The following ARHGEF9 variants were observed in gnomAD, a reference collection of about 807,000 sequenced individuals.
ARHGEF9 encodes Cdc42 guanine nucleotide exchange factor 9.
In ARHGEF9, 2 loss-of-function variants were observed where a neutral mutation model predicts 41.3. The ratio of observed to expected loss-of-function variants is 0.05; its 90% CI spans 0.02 to 0.15. The LOEUF (loss-of-function observed/expected upper bound fraction) is 0.15. Ranked by LOEUF, ARHGEF9 falls within the 10% of genes least tolerant of loss-of-function variation. The pLI is 1.00. For synonymous variants in ARHGEF9, 160 were observed against 154.4 expected (o/e 1.04, Z -0.27); for missense variants, 225 against 424.7 (o/e 0.53, Z 4.13).
chrX:63,751,085 C>G (rs528464183), intron 1 of ARHGEF9, among the ~76,000 whole-genome samples: 1 of 110,740 alleles, frequency 9.0e-6, no homozygotes, highest in Non-Finnish European at 1.9e-5. Context: ...GATCCAGGAG[C>G]GAAAATCCCT....
chrX:63,774,079 A>G (rs1219699673), intron 1 of ARHGEF9, among the ~76,000 whole-genome samples: 6 of 109,075 alleles, frequency 5.5e-5, no homozygotes, highest in Non-Finnish European at 9.5e-5. Flanking sequence ...CTATCTATCT[A>G]TCTATCTATC....
At chrX:63,737,815 T>C (rs1247759874) in intron 1 of ARHGEF9, among the ~76,000 whole-genome samples, 1 of 111,927 alleles carries the variant, frequency 8.9e-6, no homozygotes, top group East Asian at 2.8e-4. Context: ...AGGAAACTAA[T>C]TTGTGAACAA....
chrX:63,716,139 T>G (rs2053276852), intron 2 of ARHGEF9: 1 of 110,201 alleles, frequency 9.1e-6, no homozygotes, highest in African/African-American at 3.3e-5. Context: ...ATACAAAAAA[T>G]TAGCTGGGTG....
chrX:63,740,385 A>G (rs1331084031), intron 1 of ARHGEF9, among the ~76,000 whole-genome samples: 1 of 112,110 alleles, frequency 8.9e-6, no homozygotes, highest in African/African-American at 3.2e-5. Context: ...AATTGTTGGC[A>G]GGAATTGAAT....
At chrX:63,665,744 T>A in intron 7 of ARHGEF9, 142 bp downstream of exon 7, 1 of 798,510 alleles carries the variant, frequency 1.3e-6, no homozygotes, top group Non-Finnish European at 1.8e-6. Flanking sequence ...GTGTTCCTGA[T>A]ACAGAATTGC....
At chrX:63,707,399 G>A (rs782256607) in intron 2 of ARHGEF9, 2 of 103,754 alleles carry the variant, frequency 1.9e-5, no homozygotes, top group African/African-American at 3.5e-5. Context: ...TGGGACGGCC[G>A]AGTGAGATGT....
At chrX:63,664,084 T>C (rs1602291583) in intron 7 of ARHGEF9, among the ~76,000 whole-genome samples, 1 of 112,130 alleles carries the variant, frequency 8.9e-6, no homozygotes, top group Non-Finnish European at 1.9e-5. Flanking sequence ...CCATCCCTGT[T>C]ATATGCTTCC....
At chrX:63,658,728 A>C (rs1224281600) in intron 7 of ARHGEF9, among the ~76,000 whole-genome samples, 12 of 111,880 alleles carry the variant, frequency 1.1e-4, no homozygotes, top group Non-Finnish European at 1.5e-4. Context: ...TAGCTCATTT[A>C]AACTTTCCAA....
rs1344361640 is a variant in ARHGEF9 at position 63,769,766 on chromosome X, C to T, written c.30+15350G>A. ...GTGCAAGGCCCGAGCCTTGGCAGCT[C>T]CCATGTAGTGTTAAGCCTGCAGATG... On this transcript the variant is annotated intron_variant, in intron 1 of 9. Transcript: ENST00000671741. Among the ~76,000 whole-genome samples, 3 of 112,478 alleles carry T rather than the reference C, an allele frequency of 2.7e-5. No individual in the cohort carries two copies. The East Asian group carries it at 8.4e-4, about 32-fold the overall frequency.
At chrX:63,719,763 C>T in intron 2 of ARHGEF9, 3 of 297,025 alleles carry the variant, frequency 1.0e-5, no homozygotes, top group Non-Finnish European at 5.9e-6. Flanking sequence ...TTGTTCTTTA[C>T]AATATTGTAG....
chrX:63,711,553 G>A (rs2052933472), intron 2 of ARHGEF9, among the ~76,000 whole-genome samples: 1 of 111,844 alleles, frequency 8.9e-6, no homozygotes, highest in African/African-American at 3.2e-5. Context: ...ATTCAAGGGG[G>A]AAAATATAGT....
chrX:63,783,994 C>T (rs1459493435), intron 1 of ARHGEF9, among the ~76,000 whole-genome samples: 3 of 111,690 alleles, frequency 2.7e-5, no homozygotes, highest in African/African-American at 6.5e-5. Flanking sequence ...GAGGACAGCC[C>T]CTCTGAATAT....
intron 1 of ARHGEF9, chrX:63,727,727 G>A (rs1427463577): frequency 1.8e-5 from 2 of 111,773 alleles, no homozygotes; most frequent in East Asian, 5.6e-4. Flanking sequence ...AATAAAGAGC[G>A]CTATTATGTC....
At chrX:63,783,412 A>G (rs1321357865) in intron 1 of ARHGEF9, among the ~76,000 whole-genome samples, 1 of 110,019 alleles carries the variant, frequency 9.1e-6, no homozygotes, top group Non-Finnish European at 1.9e-5. Context: ...ATGTGCCACT[A>G]CGTCCAGCTA....
At chrX:63,724,204 A>T (rs1288011430) in intron 2 of ARHGEF9, among the ~76,000 whole-genome samples, 2 of 111,433 alleles carry the variant, frequency 1.8e-5, no homozygotes, top group Non-Finnish European at 3.8e-5. Context: ...AGTTCACAGC[A>T]ATATAGGGTT....
At chrX:63,776,108 T>A (rs1280409480) in intron 1 of ARHGEF9, among the ~76,000 whole-genome samples, 1 of 110,865 alleles carries the variant, frequency 9.0e-6, no homozygotes, top group Non-Finnish European at 1.9e-5. Context: ...GAATGCAGGA[T>A]GAGAAAAACC....
intron 8 of ARHGEF9, among the ~76,000 whole-genome samples, chrX:63,646,633 C>T (rs1173303815): frequency 1.8e-5 from 2 of 111,804 alleles, no homozygotes; most frequent in Admixed American, 1.9e-4. Context: ...GTTACTGTAG[C>T]CTTGTAGTAT....
intron 1 of ARHGEF9, among the ~76,000 whole-genome samples, chrX:63,728,169 C>A (rs1245615303): frequency 3.6e-5 from 4 of 112,523 alleles, no homozygotes; most frequent in African/African-American, 1.3e-4. Flanking sequence ...CCTCCCTCAT[C>A]TTCTGAGTTG....
At chrX:63,697,747 C>T (rs2051854886) in intron 3 of ARHGEF9, among the ~76,000 whole-genome samples, 1 of 111,638 alleles carries the variant, frequency 9.0e-6, no homozygotes, top group African/African-American at 3.3e-5. Context: ...AAACTTCCCA[C>T]AAGGGAACAG....
Sources: gnomAD v4.1 joint callset for allele counts (sites outside exome capture counted in the v4.1 genomes callset) on GRCh38, gnomAD v4.1.1 for gene constraint, MANE v1.5 for transcripts, NCBI Gene and HGNC (gene_info 2026-07-23, HGNC 2026-07-21) for gene names.